ADPGK: variants seen among roughly 807,000 people sequenced by gnomAD.
ADPGK encodes ADP-dependent glucokinase.
Under a neutral mutation model 42.4 loss-of-function variants are expected in ADPGK, and 26 were observed. The observed-to-expected ratio is 0.61, with a 90% CI of 0.45 to 0.85. The LOEUF (loss-of-function observed/expected upper bound fraction) is 0.85. ADPGK is among the 40% of genes least tolerant of loss of function. The pLI is 0.00. For synonymous variants in ADPGK, 267 were observed against 252.6 expected, an observed-to-expected ratio of 1.06 and a Z score of -0.54; for missense variants, 571 against 627.0, an observed-to-expected ratio of 0.91 and a Z score of 0.95.
chr15:72,759,434 T>C (rs1595791234), intron 4 of ADPGK, among the ~76,000 whole-genome samples: 1 of 152,356 alleles, frequency 6.6e-6, no homozygotes, highest in African/African-American at 2.4e-5. Context: ...TTTCAGACCC[T>C]ATCCTTCTTT....
At chr15:72,758,466 T>C (rs763663428) in intron 4 of ADPGK, 52 of 380,092 alleles carry the variant, frequency 1.4e-4, no homozygotes, top group Middle Eastern at 8.2e-4. Context: ...AATTTCCCTA[T>C]TGAGGTCAGA....
chr15:72,775,540 G>C (rs550720753), intron 1 of ADPGK, among the ~76,000 whole-genome samples: 2 of 152,332 alleles, frequency 1.3e-5, no homozygotes, highest in East Asian at 1.9e-4. Context: ...CTATGGTTAA[G>C]ATTAAATAAG....
chr15:72,768,914 C>T (rs747326375), intron 3 of ADPGK, among the ~76,000 whole-genome samples: 3 of 147,552 alleles, frequency 2.0e-5, no homozygotes, highest in Non-Finnish European at 4.5e-5. Context: ...GCAGAGGTTG[C>T]AGTGAGCCGA....
intron 4 of ADPGK, among the ~76,000 whole-genome samples, chr15:72,759,705 A>T (rs1163572715): frequency 1.3e-5 from 2 of 152,200 alleles, no homozygotes; most frequent in African/African-American, 2.4e-5. Flanking sequence ...TTGAATCAGA[A>T]ACTCAAGAGT....
intron 5 of ADPGK, 118 bp downstream of exon 5, chr15:72,756,133 G>T: frequency 7.8e-7 from 1 of 1,283,056 alleles, no homozygotes; most frequent in Non-Finnish European, 1.1e-6. Flanking sequence ...ACAGCCAGCT[G>T]CCAAGATATG....
At position 72,760,630 on chromosome 15, in the gene ADPGK, C is replaced by T. The variant is rs77171445; in HGVS notation, c.523-103G>A. On this transcript the variant is annotated intron_variant, in intron 3 of 6. Coordinates refer to ENST00000456471, the MANE Select transcript of ADPGK (RefSeq NM_001365225.1). ...ACATTCAGGCTGATTCTAATCATTT[C>T]AACAAAATATTGGAATCCAAATCTA... is the stretch of plus-strand genomic sequence containing the variant. The T allele has an allele frequency of 6.5e-4, 888 of 1,361,202 alleles. 19 individuals are homozygous for T. In the East Asian group the frequency reaches 0.022, roughly 34 times the overall value. The allele number at this position is 1,361,202 out of a possible 1,614,324, so 84.3% of individuals were successfully genotyped here.
At chr15:72,761,075 G>A (rs973262242) in intron 3 of ADPGK, among the ~76,000 whole-genome samples, 2 of 152,170 alleles carry the variant, frequency 1.3e-5, no homozygotes, top group Non-Finnish European at 2.9e-5. Flanking sequence ...TGCAAGCCAG[G>A]AAGAGACTTC....
chr15:72,779,244 G>GTTTTTT (rs35321622), intron 1 of ADPGK, among the ~76,000 whole-genome samples: 9 of 107,224 alleles, frequency 8.4e-5, no homozygotes, highest in Non-Finnish European at 1.2e-4. Flanking sequence ...TAGCATGAGG[G>GTTTTTT]TTTTTTTTTT....
chr15:72,782,731 A>C (rs1006426195), intron 1 of ADPGK: 1 of 152,164 alleles, frequency 6.6e-6, no homozygotes, highest in African/African-American at 2.4e-5. Flanking sequence ...GTGGTTATAC[A>C]TAACTCTGAG....
chr15:72,760,405 AC>A lies in ADPGK; in HGVS notation c.643+1del, dbSNP rs767795507. On this transcript the variant is annotated splice_donor_variant, in intron 4 of 6. Coordinates refer to ENST00000456471, the MANE Select transcript of ADPGK (RefSeq NM_001365225.1). LOFTEE classifies it high-confidence loss of function. ...GCCACCATTACTTACTCATTTCCTTACCTGCTTGATACTCTAAAATGAGGTG... is the reference window on the plus strand; with the variant it reads ...GCCACCATTACTTACTCATTTCCTTACTGCTTGATACTCTAAAATGAGGTG... The A allele has an allele frequency of 6.3e-7, 1 of 1,592,870 alleles. No homozygotes were observed. The highest frequency in any genetic ancestry group is 8.6e-7 in the Non-Finnish European group (1 of 1,164,154).
intron 3 of ADPGK, among the ~76,000 whole-genome samples, chr15:72,770,672 T>C (rs1054694673): frequency 3.3e-5 from 5 of 152,242 alleles, no homozygotes; most frequent in African/African-American, 1.2e-4. Context: ...TTATTTTCTT[T>C]TTATTATTCT....
chr15:72,761,802 G>A (rs968120926), intron 3 of ADPGK, among the ~76,000 whole-genome samples: 18 of 151,478 alleles, frequency 1.2e-4, no homozygotes, highest in African/African-American at 3.9e-4. Context: ...AGGCTCAAGC[G>A]ACCCTCCTGC....
At chr15:72,759,836 G>T (rs1035244103) in intron 4 of ADPGK, among the ~76,000 whole-genome samples, 1 of 152,226 alleles carries the variant, frequency 6.6e-6, no homozygotes, top group African/African-American at 2.4e-5. Flanking sequence ...AATCTGCTGG[G>T]AAGAGGGGAT....
At chr15:72,762,106 G>A (rs1186745022) in intron 3 of ADPGK, among the ~76,000 whole-genome samples, 7 of 152,068 alleles carry the variant, frequency 4.6e-5, no homozygotes, top group South Asian at 2.1e-4. Context: ...TCGTGACCTC[G>A]TGATCCACCC....
At chr15:72,770,660 CTTTA>C (rs1201941382) in intron 3 of ADPGK, among the ~76,000 whole-genome samples, 1 of 152,110 alleles carries the variant, frequency 6.6e-6, no homozygotes, top group Non-Finnish European at 1.5e-5. Flanking sequence ...CTGCAAAAGT[CTTTA>C]TTTTCTTTTT....
chr15:72,782,033 C>T (rs2066464773), intron 1 of ADPGK, among the ~76,000 whole-genome samples: 1 of 152,200 alleles, frequency 6.6e-6, no homozygotes, highest in Non-Finnish European at 1.5e-5. Context: ...GACTATCAGC[C>T]TCCAGATCCA....
At chr15:72,763,722 T>C (rs1811283030) in intron 3 of ADPGK, among the ~76,000 whole-genome samples, 1 of 152,196 alleles carries the variant, frequency 6.6e-6, no homozygotes, top group Non-Finnish European at 1.5e-5. Context: ...CACTTTACTG[T>C]GCTCTGCAGA....
At chr15:72,771,757 G>C in intron 3 of ADPGK, 26 bp downstream of exon 3, 2 of 1,593,790 alleles carry the variant, frequency 1.3e-6, no homozygotes, top group Non-Finnish European at 1.7e-6. Context: ...GAAAGGCATA[G>C]GTTTTAATCT....
At chr15:72,757,832 C>T (rs2066136622) in intron 4 of ADPGK, 2 of 399,286 alleles carry the variant, frequency 5.0e-6, no homozygotes, top group Middle Eastern at 7.0e-4. Context: ...CTAGGAAACA[C>T]GACCTAACTG....
Sources: allele counts gnomAD v4.1 joint callset (sites outside exome capture counted in the v4.1 genomes callset), GRCh38; gene constraint gnomAD v4.1.1; transcripts MANE v1.5; gene names NCBI Gene and HGNC (gene_info 2026-07-23, HGNC 2026-07-21).